The following SYN3 variants were observed in gnomAD, a reference collection of about 807,000 sequenced individuals.
SYN3 encodes synapsin-3.
A neutral mutation model predicts 65.8 loss-of-function variants in SYN3; 35 were observed. The observed-to-expected ratio is 0.53, with a 90% CI of 0.41 to 0.70. The LOEUF is 0.70. SYN3 is among the 30% of genes least tolerant of loss of function. SYN3 has a pLI of 0.00. For missense variants in SYN3, 680 were observed against 749.0 expected, an observed-to-expected ratio of 0.91 and a Z score of 1.08; for synonymous variants, 270 against 292.9, an observed-to-expected ratio of 0.92 and a Z score of 0.80.
chr22:32,829,260 T>C (rs1449140142), intron 6 of SYN3, among the ~76,000 whole-genome samples: 1 of 152,206 alleles, frequency 6.6e-6, no homozygotes, highest in Admixed American at 6.5e-5. Context: ...CCTCCTTTCG[T>C]GATCACGCCT....
intron 1 of SYN3, among the ~76,000 whole-genome samples, chr22:33,012,445 C>G (rs890845982): frequency 3.3e-5 from 5 of 152,194 alleles, no homozygotes; most frequent in African/African-American, 9.7e-5. Context: ...GATGAATGTT[C>G]CAGATGCACT....
At chr22:32,606,481 C>T (rs144412981) in intron 6 of SYN3, among the ~76,000 whole-genome samples, 17 of 152,346 alleles carry the variant, frequency 1.1e-4, no homozygotes, top group Non-Finnish European at 2.4e-4. Context: ...ACCTTTGCAA[C>T]TCTTCTGTAA....
intron 2 of SYN3, among the ~76,000 whole-genome samples, chr22:32,984,874 G>C (rs1444515838): frequency 6.6e-6 from 1 of 152,182 alleles, no homozygotes; most frequent in African/African-American, 2.4e-5. Context: ...CAAAATCTTA[G>C]CTCTACTACT....
At position 33,006,742 on chromosome 22, in the gene SYN3, C is replaced by G. The variant is rs911206703; in HGVS notation, c.-80G>C. On this transcript the variant is annotated 5_prime_UTR_variant, in exon 2 of 14. Transcript: ENST00000358763. ...CCAGAAGACAGGCTGCTGCCAGGTA[C>G]AGGGAGTGGTAGGACTTTAGCCAGA... is the stretch of plus-strand genomic sequence containing the variant. 2.8e-6 allele frequency: 4 copies of G among 1,431,520 alleles called. No individual in the cohort carries two copies. The African/African-American group carries it at 4.3e-5, about 15-fold the overall frequency. 88.7% of individuals were successfully genotyped at this position (1,431,520 alleles called of 1,614,324 possible).
intron 4 of SYN3, among the ~76,000 whole-genome samples, chr22:32,880,989 C>A (rs775264881): frequency 1.6e-4 from 24 of 152,190 alleles, no homozygotes; most frequent in Non-Finnish European, 2.9e-4. Context: ...CGCCGGGAGG[C>A]AGAGGGGTTA....
At chr22:32,951,462 A>C (rs1240605887) in intron 3 of SYN3, among the ~76,000 whole-genome samples, 1 of 152,128 alleles carries the variant, frequency 6.6e-6, no homozygotes, top group Non-Finnish European at 1.5e-5. Flanking sequence ...TCAATTAACT[A>C]TTCAATGGTC....
chr22:32,892,217 A>G (rs2049469371), intron 4 of SYN3, among the ~76,000 whole-genome samples: 1 of 151,776 alleles, frequency 6.6e-6, no homozygotes, highest in South Asian at 2.1e-4. Flanking sequence ...AAGTGCTTGA[A>G]CCCGGGAGGC....
chr22:33,042,228 C>T (rs145710747), intron 1 of SYN3, among the ~76,000 whole-genome samples: 1 of 152,244 alleles, frequency 6.6e-6, no homozygotes, highest in East Asian at 1.9e-4. Context: ...TTTAAGCTAC[C>T]CAGTCTGTGG....
At chr22:32,969,333 G>A (rs76529573) in intron 3 of SYN3, among the ~76,000 whole-genome samples, 1,888 of 152,268 alleles carry the variant, frequency 0.012, 51 homozygotes, top group African/African-American at 0.042. Context: ...CAGAATCAGC[G>A]GGGCTCATTC....
At chr22:32,592,270 T>C (rs1373365531) in intron 7 of SYN3, among the ~76,000 whole-genome samples, 1 of 152,098 alleles carries the variant, frequency 6.6e-6, no homozygotes, top group Non-Finnish European at 1.5e-5. Context: ...CCCCTCACTG[T>C]CCCCAGGTTA....
At chr22:32,979,886 C>T (rs539394035) in intron 3 of SYN3, among the ~76,000 whole-genome samples, 1 of 152,218 alleles carries the variant, frequency 6.6e-6, no homozygotes, top group South Asian at 2.1e-4. Flanking sequence ...GGATTCAAAC[C>T]TGGAGTATGG....
At chr22:32,596,373 A>AATT (rs532459233) in intron 7 of SYN3, among the ~76,000 whole-genome samples, 66 of 152,314 alleles carry the variant, frequency 4.3e-4, no homozygotes, top group African/African-American at 1.5e-3. Flanking sequence ...CTTACAAAAT[A>AATT]ATTACGCTCA....
intron 6 of SYN3, among the ~76,000 whole-genome samples, chr22:32,623,008 G>C (rs1457611205): frequency 6.6e-6 from 1 of 152,064 alleles, no homozygotes; most frequent in Non-Finnish European, 1.5e-5. Flanking sequence ...TGTTCCTCCT[G>C]AACACATTTT....
At chr22:32,671,245 CAT>C (rs2060357253) in intron 6 of SYN3, among the ~76,000 whole-genome samples, 1 of 152,098 alleles carries the variant, frequency 6.6e-6, no homozygotes, top group Admixed American at 6.5e-5. Context: ...CACACACACA[CAT>C]GCATTGACAT....
chr22:32,945,092 A>G (rs564973691), intron 3 of SYN3, among the ~76,000 whole-genome samples: 9 of 152,374 alleles, frequency 5.9e-5, no homozygotes, highest in African/African-American at 2.2e-4. Context: ...GGAAGAATCA[A>G]TATTGTGAAA....
At chr22:32,955,200 C>A (rs1051191176) in intron 3 of SYN3, among the ~76,000 whole-genome samples, 1 of 152,160 alleles carries the variant, frequency 6.6e-6, no homozygotes, top group Non-Finnish European at 1.5e-5. Flanking sequence ...ATACGGCCAC[C>A]TTTGAACCCC....
chr22:32,513,655 G>A lies in SYN3; in HGVS notation c.*37C>T, dbSNP rs1162779003. The A allele has an allele frequency of 2.0e-5, 33 of 1,609,948 alleles. No individual in the cohort carries two copies. Among genetic ancestry groups the A allele is most frequent in the East Asian group, 4.5e-5 (2 of 44,826 alleles). ...AAGATGAGGCAGGAGGGGGACGAGT[G>A]TAGCAGAGCACTCTTCCCCTCCCAG... On this transcript the variant is annotated 3_prime_UTR_variant, in exon 14 of 14. Coordinates refer to ENST00000358763, the MANE Select transcript of SYN3 (RefSeq NM_003490.4).
intron 4 of SYN3, among the ~76,000 whole-genome samples, chr22:32,907,435 C>T (rs1017585682): frequency 6.6e-6 from 1 of 152,154 alleles, no homozygotes; most frequent in Non-Finnish European, 1.5e-5. Context: ...CTGTGCTAGG[C>T]CCCATTTCCA....
At chr22:32,698,248 T>C (rs2060764801) in intron 6 of SYN3, among the ~76,000 whole-genome samples, 1 of 152,122 alleles carries the variant, frequency 6.6e-6, no homozygotes, top group Non-Finnish European at 1.5e-5. Flanking sequence ...TACTGACAAC[T>C]TCAAGGTGGG....
Sources: allele counts gnomAD v4.1 joint callset (sites outside exome capture counted in the v4.1 genomes callset), GRCh38; gene constraint gnomAD v4.1.1; transcripts MANE v1.5; gene names NCBI Gene and HGNC (gene_info 2026-07-23, HGNC 2026-07-21).